Variants in ZBBX observed in about 807,000 individuals in gnomAD.
The protein encoded by ZBBX is zinc finger B-box domain-containing protein 1.
In ZBBX, 101 loss-of-function variants were observed where a neutral mutation model predicts 108.5. That is an observed-to-expected ratio of 0.93 (90% confidence interval 0.79 to 1.10). The LOEUF (loss-of-function observed/expected upper bound fraction) is 1.10, where lower values mean the gene tolerates loss of function less well. Among genes scored for constraint, ZBBX ranks in the 50% least tolerant of loss-of-function variants. The pLI is 0.00. For synonymous variants in ZBBX, 356 were observed against 323.4 expected, an observed-to-expected ratio of 1.10 and a Z score of -1.08; for missense variants, 1,009 against 941.4, an observed-to-expected ratio of 1.07 and a Z score of -0.94.
intron 20 of ZBBX, chr3:167,248,696 T>G (rs1392207460): frequency 2.2e-6 from 1 of 456,136 alleles, no homozygotes; most frequent in African/African-American, 2.0e-5. Context: ...AGGCAACAGG[T>G]ATAATGTAAA....
chr3:167,248,699 A>G, intron 20 of ZBBX: 1 of 456,324 alleles, frequency 2.2e-6, no homozygotes, highest in South Asian at 1.5e-5. Context: ...CAACAGGTAT[A>G]ATGTAAATGG....
At chr3:167,340,809 T>G (rs1409211264) in intron 9 of ZBBX, among the ~76,000 whole-genome samples, 1 of 151,674 alleles carries the variant, frequency 6.6e-6, no homozygotes, top group Non-Finnish European at 1.5e-5. Context: ...AAAAAAAAAT[T>G]TGAGGAAAAG....
At chr3:167,392,431 A>G (rs1748106149) in intron 1 of ZBBX, among the ~76,000 whole-genome samples, 2 of 151,864 alleles carry the variant, frequency 1.3e-5, no homozygotes, top group South Asian at 4.1e-4. Context: ...TCTCTTGAGT[A>G]AACATCTAGT....
intron 4 of ZBBX, among the ~76,000 whole-genome samples, chr3:167,369,847 T>G (rs899263123): frequency 6.6e-6 from 1 of 151,924 alleles, no homozygotes; most frequent in Non-Finnish European, 1.5e-5. Flanking sequence ...AAGTGCTGAG[T>G]GCAGTGTTCC....
At chr3:167,303,078 CA>C (rs996799347) in intron 17 of ZBBX, among the ~76,000 whole-genome samples, 6 of 151,880 alleles carry the variant, frequency 4.0e-5, no homozygotes, top group Non-Finnish European at 7.4e-5. Flanking sequence ...AAAAGATGTG[CA>C]AAAAAACATG....
the ZBBX span, among the ~76,000 whole-genome samples, chr3:167,227,659 T>C: frequency 6.6e-6 from 1 of 151,666 alleles, no homozygotes; most frequent in African/African-American, 2.4e-5. Flanking sequence ...ATTATACAAG[T>C]TTACAATTTT....
chr3:167,387,594 A>C (rs1747956452), intron 1 of ZBBX, among the ~76,000 whole-genome samples: 1 of 152,054 alleles, frequency 6.6e-6, no homozygotes, highest in East Asian at 1.9e-4. Flanking sequence ...AGAATCTAAA[A>C]ATTTCTAGCA....
intron 20 of ZBBX, among the ~76,000 whole-genome samples, chr3:167,264,651 C>T (rs574310788): frequency 1.3e-5 from 2 of 152,324 alleles, no homozygotes; most frequent in East Asian, 3.9e-4. Context: ...GAAAAGTTTA[C>T]ACACCACCAT....
At chr3:167,226,135 T>A in the ZBBX span, among the ~76,000 whole-genome samples, 1 of 147,590 alleles carries the variant, frequency 6.8e-6, no homozygotes, top group Non-Finnish European at 1.5e-5. Context: ...TGTTAGATAA[T>A]AATGATAAAA....
At chr3:167,339,716 T>G (rs1369463452) in intron 9 of ZBBX, among the ~76,000 whole-genome samples, 1 of 152,124 alleles carries the variant, frequency 6.6e-6, no homozygotes, top group Non-Finnish European at 1.5e-5. Flanking sequence ...GTTTGTTACA[T>G]AGGTGTACGT....
rs1173107576 is a variant in ZBBX at position 167,363,237 on chromosome 3, T to C, written c.274-2514A>G. Among the ~76,000 whole-genome samples, 3 of 152,174 alleles carry C rather than the reference T, an allele frequency of 2.0e-5. No individual in the cohort carries two copies. In the South Asian group the frequency reaches 6.2e-4, roughly 32 times the overall value. On this transcript the variant is annotated intron_variant, in intron 6 of 21. Coordinates refer to ENST00000675490, the MANE Select transcript of ZBBX (RefSeq NM_001199201.2). ...CATGCTGATCAGCCTCAATGGGCTA[T>C]ATGGCTCTTTGGCAATCCATTTACT...
chr3:167,387,238 G>T (rs1205965296), intron 1 of ZBBX, among the ~76,000 whole-genome samples: 2 of 151,914 alleles, frequency 1.3e-5, no homozygotes, highest in Non-Finnish European at 2.9e-5. Context: ...TACAGATAAT[G>T]GGCATAACTA....
intron 8 of ZBBX, 131 bp from the exon 9 acceptor site, chr3:167,350,646 GAAGCCTGTCCCAGGCTTCTCAACT>G (rs1742479791): frequency 9.2e-6 from 5 of 540,906 alleles, no homozygotes; most frequent in Admixed American, 3.9e-5. Flanking sequence ...TCAGAATTGA[GAAGCCTGTCCCAGGCTTCTCAACT>G]AGTCCCTTAA....
the ZBBX span, among the ~76,000 whole-genome samples, chr3:167,199,121 G>T: frequency 0.023 from 3,512 of 152,260 alleles, 52 homozygotes; most frequent in Non-Finnish European, 0.034. Flanking sequence ...AGAGAAGCAG[G>T]AGAAGCATTA....
chr3:167,394,500 A>C (rs1299587717), intron 1 of ZBBX, among the ~76,000 whole-genome samples: 1 of 151,954 alleles, frequency 6.6e-6, no homozygotes, highest in Non-Finnish European at 1.5e-5. Flanking sequence ...GTTAAGTAGA[A>C]AATAACAATT....
At chr3:167,285,265 C>T (rs1413741322) in intron 19 of ZBBX, among the ~76,000 whole-genome samples, 2 of 151,962 alleles carry the variant, frequency 1.3e-5, no homozygotes, top group Admixed American at 6.6e-5. Context: ...GAATGATAAT[C>T]GTTATTGCTA....
the ZBBX span, among the ~76,000 whole-genome samples, chr3:167,205,632 C>T: frequency 5.9e-5 from 9 of 152,128 alleles, no homozygotes; most frequent in Non-Finnish European, 1.2e-4. Context: ...ACTCTTTCAG[C>T]CCTCACAAGA....
At chr3:167,199,484 G>A in the ZBBX span, among the ~76,000 whole-genome samples, 1 of 152,144 alleles carries the variant, frequency 6.6e-6, no homozygotes, top group Non-Finnish European at 1.5e-5. Context: ...GGAATTGTAT[G>A]CACATGACTC....
intron 8 of ZBBX, 73 bp from the exon 9 acceptor site, chr3:167,350,588 G>T: frequency 9.3e-7 from 1 of 1,080,016 alleles, no homozygotes; most frequent in Non-Finnish European, 1.3e-6. Flanking sequence ...TTTGCATAAA[G>T]ATGTCTTGTT....
Sources: allele counts gnomAD v4.1 joint callset (sites outside exome capture counted in the v4.1 genomes callset), GRCh38; gene constraint gnomAD v4.1.1; transcripts MANE v1.5; gene names NCBI Gene and HGNC (gene_info 2026-07-23, HGNC 2026-07-21).